ADK: variants seen among roughly 807,000 people sequenced by gnomAD.
ADK encodes the protein N6,N6-dimethyladenosine kinase.
ADK carries 24 observed loss-of-function variants against 44.7 expected under a neutral mutation model. The observed-to-expected ratio is 0.54, with a 90% CI of 0.39 to 0.76. The LOEUF (loss-of-function observed/expected upper bound fraction) is 0.76, where lower values mean the gene tolerates loss of function less well. Ranked by LOEUF, ADK falls within the 30% of genes least tolerant of loss-of-function variation. ADK has a pLI of 0.00. For synonymous variants in ADK, 128 were observed against 142.6 expected, an observed-to-expected ratio of 0.90 and a Z score of 0.73; for missense variants, 321 against 425.1, an observed-to-expected ratio of 0.76 and a Z score of 2.15.
At chr10:74,484,824 G>A (rs974832881) in intron 6 of ADK, among the ~76,000 whole-genome samples, 4 of 152,002 alleles carry the variant, frequency 2.6e-5, no homozygotes, top group East Asian at 1.9e-4. Flanking sequence ...ATGGTGCTGC[G>A]ATAATTATTT....
Position 74,262,663 on chromosome 10 carries a change from C to CATTTATTCATTATT in ADK, c.194+38083_194+38084insATTATTTATTCATT, listed in dbSNP as rs1342004154. ...AAACAGGTAGCTTCATTCATGTATTCATTTATTCATTCAGTCATGTTGTGA... is the reference window on the plus strand; with the variant it reads ...AAACAGGTAGCTTCATTCATGTATTCATTTATTCATTATTATTTATTCATTCAGTCATGTTGTGA... On this transcript the variant is annotated intron_variant, in intron 3 of 10. Coordinates refer to ENST00000539909, the MANE Select transcript of ADK (RefSeq NM_006721.4). Among the ~76,000 whole-genome samples the CATTTATTCATTATT allele has an allele frequency of 5.4e-4, 82 of 152,260 alleles. 1 individual carries two copies. The highest frequency in any genetic ancestry group is 3.9e-3 in the South Asian group (19 of 4,814).
At chr10:74,223,507 C>G (rs1019730447) in intron 2 of ADK, among the ~76,000 whole-genome samples, 3 of 152,112 alleles carry the variant, frequency 2.0e-5, no homozygotes, top group Non-Finnish European at 4.4e-5. Flanking sequence ...CATGACCTTT[C>G]AAATGGACCT....
intron 9 of ADK, among the ~76,000 whole-genome samples, chr10:74,610,009 G>T (rs1589295000): frequency 6.6e-6 from 1 of 152,200 alleles, no homozygotes; most frequent in East Asian, 1.9e-4. Context: ...AAATTTTCAA[G>T]GGAGTGCTGG....
chr10:74,391,592 A>C (rs1592142348), intron 4 of ADK, among the ~76,000 whole-genome samples: 1 of 151,380 alleles, frequency 6.6e-6, no homozygotes, highest in African/African-American at 2.4e-5. Context: ...CTATAGTCCC[A>C]ACTACTCAGA....
rs188919576 is a variant in ADK at position 74,573,595 on chromosome 10, C to A, written c.727-15687C>A. On this transcript the variant is annotated intron_variant, in intron 7 of 10. Coordinates refer to ENST00000539909, the MANE Select transcript of ADK (RefSeq NM_006721.4). ...ACTGCTGTCTTTTTGTTTGTCTGTGCCCTGCCCCCAGAGGTGGAGCCTACA... is the reference window on the plus strand; with the variant it reads ...ACTGCTGTCTTTTTGTTTGTCTGTGACCTGCCCCCAGAGGTGGAGCCTACA... 5.3e-3 allele frequency among the ~76,000 whole-genome samples: 800 copies of A among 152,304 alleles called. 7 individuals are homozygous for A. The highest frequency in any genetic ancestry group is 0.018 in the African/African-American group (764 of 41,568).
chr10:74,392,325 TTTG>T (rs2132038855), intron 4 of ADK, among the ~76,000 whole-genome samples: 1 of 152,306 alleles, frequency 6.6e-6, no homozygotes, highest in Admixed American at 6.5e-5. Context: ...GCCAGCATTT[TTTG>T]TTTTCTGTGT....
chr10:74,557,644 A>G (rs1850309779), intron 7 of ADK, among the ~76,000 whole-genome samples: 1 of 152,148 alleles, frequency 6.6e-6, no homozygotes, highest in Non-Finnish European at 1.5e-5. Flanking sequence ...AAGGGCATTT[A>G]TTGTAGGGCA....
intron 1 of ADK, among the ~76,000 whole-genome samples, chr10:74,166,680 C>A (rs1842042135): frequency 8.4e-6 from 1 of 118,438 alleles, no homozygotes; most frequent in Admixed American, 9.2e-5. Context: ...AAGTGAGACT[C>A]CGTCTCAAAA....
chr10:74,608,533 C>G (rs992489676), intron 9 of ADK, among the ~76,000 whole-genome samples: 1 of 152,140 alleles, frequency 6.6e-6, no homozygotes, highest in Non-Finnish European at 1.5e-5. Flanking sequence ...ACTCCAGACC[C>G]TGTTTGCCTG....
intron 6 of ADK, among the ~76,000 whole-genome samples, chr10:74,418,584 T>C (rs1288392842): frequency 6.6e-6 from 1 of 152,160 alleles, no homozygotes; most frequent in Non-Finnish European, 1.5e-5. Context: ...AAAAAAGTGG[T>C]TGGTGTTATA....
At chr10:74,568,677 ATATT>A (rs1254945601) in intron 7 of ADK, among the ~76,000 whole-genome samples, 1 of 151,558 alleles carries the variant, frequency 6.6e-6, no homozygotes, top group Non-Finnish European at 1.5e-5. Context: ...TTTAATAAAA[ATATT>A]TATTTGGTCT....
chr10:74,611,763 A>G (rs773771893), intron 9 of ADK, among the ~76,000 whole-genome samples: 1 of 151,934 alleles, frequency 6.6e-6, no homozygotes, highest in African/African-American at 2.4e-5. Flanking sequence ...ACTTTGGATA[A>G]TGTCCTCTGG....
rs1842091823 is a variant in ADK, at chr10:74,168,639, GTC to G, written c.65+17302_65+17303del. On this transcript the variant is annotated intron_variant, in intron 1 of 10. Transcript: ENST00000539909. The stretch of plus-strand genomic sequence containing the variant: ...TAAGGAAAATCTTTTTTTAGACGGA[GTC>G]TCTCTGTGTCGCCCAGGCTGTAGTG... Among the ~76,000 whole-genome samples, 4 of 151,524 alleles carry G rather than the reference GTC, an allele frequency of 2.6e-5. No homozygotes were observed. In the East Asian group the frequency reaches 5.9e-4, roughly 22 times the overall value.
chr10:74,496,379 T>A (rs564266325), intron 6 of ADK, among the ~76,000 whole-genome samples: 1 of 152,336 alleles, frequency 6.6e-6, no homozygotes, highest in African/African-American at 2.4e-5. Flanking sequence ...TCCTCCATGC[T>A]GTTCTCATGA....
intron 10 of ADK, among the ~76,000 whole-genome samples, chr10:74,692,229 A>C (rs982595193): frequency 6.6e-6 from 1 of 152,216 alleles, no homozygotes; most frequent in African/African-American, 2.4e-5. Flanking sequence ...CCGTAATCCC[A>C]GCATTTTGAG....
chr10:74,493,001 A>G (rs1206634696), intron 6 of ADK, among the ~76,000 whole-genome samples: 1 of 152,048 alleles, frequency 6.6e-6, no homozygotes, highest in Non-Finnish European at 1.5e-5. Context: ...CTTCCTAGAG[A>G]CAGTTATTAC....
intron 9 of ADK, among the ~76,000 whole-genome samples, chr10:74,619,009 T>C (rs1852878001): frequency 7.5e-6 from 1 of 133,088 alleles, no homozygotes; most frequent in Non-Finnish European, 1.6e-5. Flanking sequence ...CCTTTTATGC[T>C]CTTTGTGTGT....
chr10:74,611,776 G>A (rs1852554746), intron 9 of ADK, among the ~76,000 whole-genome samples: 1 of 151,930 alleles, frequency 6.6e-6, no homozygotes, highest in South Asian at 2.1e-4. Flanking sequence ...TCCTCTGGCT[G>A]CATCTATGCT....
intron 3 of ADK, among the ~76,000 whole-genome samples, chr10:74,227,174 CT>C (rs1429224092): frequency 3.3e-5 from 5 of 152,094 alleles, no homozygotes; most frequent in Non-Finnish European, 7.4e-5. Flanking sequence ...CAAGACTAAG[CT>C]TTAAACAATA....
Sources: gnomAD v4.1 joint callset for allele counts (sites outside exome capture counted in the v4.1 genomes callset) on GRCh38, gnomAD v4.1.1 for gene constraint, MANE v1.5 for transcripts, NCBI Gene and HGNC (gene_info 2026-07-23, HGNC 2026-07-21) for gene names.